The following GDAP1 variants were observed in gnomAD, a reference collection of about 807,000 sequenced individuals.
GDAP1 encodes the protein ganglioside-induced differentiation-associated protein 1.
GDAP1 carries 34 observed loss-of-function variants against 40.1 expected under a neutral mutation model. The observed-to-expected ratio is 0.85, with a 90% CI of 0.64 to 1.13. The LOEUF (loss-of-function observed/expected upper bound fraction) is 1.13. GDAP1 is among the 50% of genes most tolerant of loss of function. GDAP1 has a pLI of 0.00. For synonymous variants in GDAP1, 170 were observed against 157.4 expected (o/e 1.08, Z -0.60); for missense variants, 374 against 433.7 (o/e 0.86, Z 1.22).
At chr8:74,464,157 A>G (rs1033584776) in intron 2 of GDAP1, among the ~76,000 whole-genome samples, 1 of 152,186 alleles carries the variant, frequency 6.6e-6, no homozygotes, top group African/African-American at 2.4e-5. Flanking sequence ...TTTATCAACA[A>G]AACAGGTTTG....
At chr8:74,398,173 A>G (rs561278023) in intron 2 of GDAP1, among the ~76,000 whole-genome samples, 1 of 152,204 alleles carries the variant, frequency 6.6e-6, no homozygotes, top group South Asian at 2.1e-4. Context: ...TTATTGGTGT[A>G]TAAGAATGCT....
intron 2 of GDAP1, among the ~76,000 whole-genome samples, chr8:74,483,052 A>G (rs116900726): frequency 0.014 from 2,139 of 152,202 alleles, 17 homozygotes; most frequent in Non-Finnish European, 0.021. Context: ...CTTAAAATGA[A>G]AGTAAACTCT....
chr8:74,399,580 G>T (rs1164698974), intron 2 of GDAP1, among the ~76,000 whole-genome samples: 1 of 140,296 alleles, frequency 7.1e-6, no homozygotes, highest in Non-Finnish European at 1.5e-5. Flanking sequence ...GTTATTTCTT[G>T]CCTTCTGCTA....
intron 2 of GDAP1, among the ~76,000 whole-genome samples, chr8:74,400,924 T>C (rs1365617920): frequency 6.7e-6 from 1 of 149,968 alleles, no homozygotes; most frequent in African/African-American, 2.5e-5. Flanking sequence ...AGAGATCCGC[T>C]GTTAGTCTGA....
At position 74,366,693 on chromosome 8, in the gene GDAP1, C is replaced by T. The variant is rs933139706; in HGVS notation, c.*2326C>T. On this transcript the variant is annotated 3_prime_UTR_variant, in exon 6 of 6. Transcript: ENST00000220822. ...AATACTATTGTTATTGCAGCAGATG[C>T]CTTTTGAATCCATTTTCCATAATTG... 1.3e-5 allele frequency: 6 copies of T among 452,302 alleles called. No individual in the cohort carries two copies. Among genetic ancestry groups the T allele is most frequent in the Non-Finnish European group, 2.7e-5 (6 of 226,034 alleles). The allele number at this position is 452,302 out of a possible 1,614,324, so 28.0% of individuals were successfully genotyped here.
intron 2 of GDAP1, among the ~76,000 whole-genome samples, chr8:74,406,094 T>C (rs1461739600): frequency 6.7e-6 from 1 of 150,322 alleles, no homozygotes. Flanking sequence ...AAACAAAAGC[T>C]AACTGTTCAG....
chr8:74,417,184 G>A (rs1253076760), intron 2 of GDAP1, among the ~76,000 whole-genome samples: 1 of 149,610 alleles, frequency 6.7e-6, no homozygotes, highest in Non-Finnish European at 1.5e-5. Context: ...ATGCAGAAAA[G>A]AAATTGACAA....
intron 2 of GDAP1, among the ~76,000 whole-genome samples, chr8:74,486,976 A>G (rs550007881): frequency 1.3e-5 from 2 of 152,230 alleles, no homozygotes; most frequent in African/African-American, 4.8e-5. Flanking sequence ...TCACTTACTA[A>G]CAAGCTATGT....
intron 2 of GDAP1, among the ~76,000 whole-genome samples, chr8:74,408,219 C>T (rs765144731): frequency 1.3e-5 from 2 of 149,870 alleles, no homozygotes; most frequent in Admixed American, 6.6e-5. Context: ...TCTCTGAGGA[C>T]GGGCTTTAAA....
Position 74,394,045 on chromosome 8 carries a change from G to A in GDAP1, c.165+42724G>A, listed in dbSNP as rs117079801. Among the ~76,000 whole-genome samples, 1,344 of 152,164 alleles carry A rather than the reference G, an allele frequency of 8.8e-3. 6 individuals carry two copies. Among genetic ancestry groups the A allele is most frequent in the Non-Finnish European group, 0.016 (1,068 of 68,002 alleles). On this transcript the variant is annotated intron_variant, in intron 2 of 2. Transcript: ENST00000523640. ...TCACACTGTTGATAAAGACATACCC[G>A]AGACTGGACAATTTACAAAAAAAAG... is the stretch of plus-strand genomic sequence containing the variant.
chr8:74,392,794 A>G (rs781528199), intron 2 of GDAP1, among the ~76,000 whole-genome samples: 1 of 152,222 alleles, frequency 6.6e-6, no homozygotes, highest in Non-Finnish European at 1.5e-5. Flanking sequence ...TACTTTCACT[A>G]GAATAGATAC....
intron 2 of GDAP1, among the ~76,000 whole-genome samples, chr8:74,464,650 A>G (rs1328122163): frequency 6.6e-6 from 1 of 152,220 alleles, no homozygotes; most frequent in East Asian, 1.9e-4. Flanking sequence ...GGAGCCCCTA[A>G]TATGCTGTCT....
chr8:74,350,607 G>A (rs776729425), intron 1 of GDAP1, 29 bp downstream of exon 1: 14 of 1,317,764 alleles, frequency 1.1e-5, no homozygotes, highest in South Asian at 8.2e-5. Context: ...GCGGAGGGTG[G>A]CGCGGATCGG....
chr8:74,468,710 C>T (rs1454321694), intron 2 of GDAP1, among the ~76,000 whole-genome samples: 1 of 152,078 alleles, frequency 6.6e-6, no homozygotes, highest in Non-Finnish European at 1.5e-5. Context: ...AGTTGATGCT[C>T]TTATATTCCA....
At chr8:74,428,633 ATTTTT>A (rs1195348725) in intron 2 of GDAP1, among the ~76,000 whole-genome samples, 14 of 42,846 alleles carry the variant, frequency 3.3e-4, no homozygotes, top group South Asian at 1.7e-3. Context: ...CACCCGGCTA[ATTTTT>A]TTTTTTTTTT....
intron 2 of GDAP1, among the ~76,000 whole-genome samples, chr8:74,439,189 T>C (rs908153753): frequency 6.6e-6 from 1 of 152,084 alleles, no homozygotes; most frequent in Non-Finnish European, 1.5e-5. Flanking sequence ...TATTTTCTAC[T>C]AGTAAGTCTT....
chr8:74,483,286 A>C (rs1036054849), intron 2 of GDAP1, among the ~76,000 whole-genome samples: 4 of 152,196 alleles, frequency 2.6e-5, no homozygotes, highest in Non-Finnish European at 5.9e-5. Flanking sequence ...TAAACACACA[A>C]TAACAGTAGG....
chr8:74,441,660 G>C (rs1398037863), intron 2 of GDAP1, among the ~76,000 whole-genome samples: 1 of 152,038 alleles, frequency 6.6e-6, no homozygotes, highest in Non-Finnish European at 1.5e-5. Flanking sequence ...TCCACATTTT[G>C]TTATTCTAAC....
Position 74,401,570 on chromosome 8 carries a change from G to A in GDAP1, c.165+50249G>A, listed in dbSNP as rs185907028. Among the ~76,000 whole-genome samples, 705 of 149,630 alleles carry A rather than the reference G, an allele frequency of 4.7e-3. 8 individuals are homozygous for A. Among genetic ancestry groups the A allele is most frequent in the Non-Finnish European group, 5.3e-3 (360 of 68,000 alleles). On this transcript the variant is annotated intron_variant, in intron 2 of 2. Transcript: ENST00000523640. ...TCTCAACTCGTCAAAGTCATTCTCC[G>A]TCCAGCTTTGTTCCATTGCTGGTGA...
Sources: allele counts gnomAD v4.1 joint callset (sites outside exome capture counted in the v4.1 genomes callset), GRCh38; gene constraint gnomAD v4.1.1; transcripts MANE v1.5; gene names NCBI Gene and HGNC (gene_info 2026-07-23, HGNC 2026-07-21).